Variants in CECR2 observed in about 807,000 individuals in gnomAD.
The protein encoded by CECR2 is chromatin remodeling regulator CECR2.
CECR2 carries 30 observed loss-of-function variants against 154.5 expected under a neutral mutation model. The ratio of observed to expected loss-of-function variants is 0.19; its 90% CI spans 0.15 to 0.26. The LOEUF is 0.26. CECR2 is among the 10% of genes least tolerant of loss of function. The probability of loss-of-function intolerance (pLI) is 1.00; values close to 1 mark genes in which losing one functional copy is unlikely to be tolerated. For synonymous variants in CECR2, 725 were observed against 683.7 expected, an observed-to-expected ratio of 1.06 and a Z score of -0.94; for missense variants, 1,743 against 1,829.3, an observed-to-expected ratio of 0.95 and a Z score of 0.86.
At chr22:17,468,783 T>G (rs1294317341) in intron 1 of CECR2, among the ~76,000 whole-genome samples, 2 of 152,182 alleles carry the variant, frequency 1.3e-5, no homozygotes, top group Non-Finnish European at 2.9e-5. Context: ...CCATACTGTT[T>G]TGCCGTAACA....
At chr22:17,521,418 T>TA (rs2056155100) in intron 8 of CECR2, among the ~76,000 whole-genome samples, 1 of 151,852 alleles carries the variant, frequency 6.6e-6, no homozygotes, top group Admixed American at 6.6e-5. Flanking sequence ...CGGGCGCCTG[T>TA]AGTCCCAGCT....
At chr22:17,497,789 C>T (rs2055658210) in intron 3 of CECR2, among the ~76,000 whole-genome samples, 1 of 152,202 alleles carries the variant, frequency 6.6e-6, no homozygotes, top group East Asian at 1.9e-4. Flanking sequence ...TATGGAAGTA[C>T]GTTATTTTGG....
chr22:17,530,228 CTGT>C (rs1000893639), intron 9 of CECR2, among the ~76,000 whole-genome samples: 24 of 150,276 alleles, frequency 1.6e-4, no homozygotes, highest in African/African-American at 1.7e-4. Flanking sequence ...GTTGTTGCTG[CTGT>C]TGTTGTTGTT....
intron 1 of CECR2, among the ~76,000 whole-genome samples, chr22:17,466,093 C>T (rs1379180706): frequency 2.0e-5 from 3 of 151,842 alleles, no homozygotes; most frequent in South Asian, 2.1e-4. Flanking sequence ...ATGATCTCGT[C>T]GGCTCACTGC....
At chr22:17,526,895 G>A (rs1479308007) in intron 9 of CECR2, among the ~76,000 whole-genome samples, 3 of 151,416 alleles carry the variant, frequency 2.0e-5, no homozygotes, top group Non-Finnish European at 4.4e-5. Flanking sequence ...AACCCTCTAG[G>A]ACATTGATTT....
intron 1 of CECR2, chr22:17,419,825 G>A (rs1393293369): frequency 3.5e-6 from 1 of 284,884 alleles, no homozygotes; most frequent in Admixed American, 4.0e-5. Flanking sequence ...TAGCTCAGAG[G>A]ATTAGAGGAT....
At chr22:17,507,541 T>C (rs184929240) in intron 7 of CECR2, among the ~76,000 whole-genome samples, 27 of 152,322 alleles carry the variant, frequency 1.8e-4, no homozygotes, top group Admixed American at 1.7e-3. Context: ...AAGCCTTCTT[T>C]TATCATTTCT....
chr22:17,434,528 A>G (rs970187260), intron 1 of CECR2, among the ~76,000 whole-genome samples: 5 of 152,232 alleles, frequency 3.3e-5, no homozygotes, highest in African/African-American at 9.6e-5. Context: ...TTAGTAGTCT[A>G]ACTTTTCTTT....
intron 9 of CECR2, among the ~76,000 whole-genome samples, chr22:17,529,044 G>A (rs922616641): frequency 3.3e-5 from 5 of 152,032 alleles, no homozygotes; most frequent in African/African-American, 9.7e-5. Flanking sequence ...TGCAGTGAGC[G>A]CTGATTTCCC....
chr22:17,389,597 C>T lies in CECR2; in HGVS notation c.126+19688C>T, dbSNP rs4819449. Among the ~76,000 whole-genome samples, 1,233 of 152,120 alleles carry T rather than the reference C, an allele frequency of 8.1e-3. 52 individuals are homozygous for T. In the East Asian group the frequency reaches 0.13, roughly 16 times the overall value. ...AGTAGCTAGGACTACAAGCATGAGC[C>T]GCCACGCCCAGCTCGGGGATATTCT... On this transcript the variant is annotated intron_variant, in intron 1 of 18. Coordinates refer to ENST00000262608, the MANE Select transcript of CECR2 (RefSeq NM_001290047.2).
chr22:17,514,337 G>GGGGA (rs2056013032), intron 8 of CECR2, among the ~76,000 whole-genome samples: 1 of 152,182 alleles, frequency 6.6e-6, no homozygotes. Context: ...CCCTCAGAGA[G>GGGGA]GGGAGCGTGT....
intron 1 of CECR2, among the ~76,000 whole-genome samples, chr22:17,377,963 G>T (rs2063136088): frequency 6.6e-6 from 1 of 152,098 alleles, no homozygotes; most frequent in African/African-American, 2.4e-5. Context: ...GTTATATGAG[G>T]AATGTTATAT....
chr22:17,546,535 G>A (rs1332291435), intron 16 of CECR2, among the ~76,000 whole-genome samples: 2 of 150,388 alleles, frequency 1.3e-5, no homozygotes, highest in Non-Finnish European at 3.0e-5. Flanking sequence ...TAGTTGCTAA[G>A]TTTAATGTTG....
intron 1 of CECR2, among the ~76,000 whole-genome samples, chr22:17,445,723 G>T (rs1371902167): frequency 6.6e-6 from 1 of 151,830 alleles, no homozygotes; most frequent in Non-Finnish European, 1.5e-5. Context: ...CTCCTGAGTA[G>T]CTAGGATTAC....
chr22:17,366,220 C>G (rs1206326101), upstream of CECR2, among the ~76,000 whole-genome samples: 13 of 152,084 alleles, frequency 8.5e-5, no homozygotes, highest in Admixed American at 8.5e-4. Context: ...GATTGAGTCT[C>G]ACTCTGTCGC....
chr22:17,472,521 A>G (rs1272010285), intron 1 of CECR2, among the ~76,000 whole-genome samples: 2 of 152,166 alleles, frequency 1.3e-5, no homozygotes, highest in Non-Finnish European at 2.9e-5. Context: ...CCCCGTGCAA[A>G]TTAGGAAGAT....
chr22:17,529,828 A>G (rs2056326446), intron 9 of CECR2, among the ~76,000 whole-genome samples: 1 of 151,604 alleles, frequency 6.6e-6, no homozygotes, highest in African/African-American at 2.4e-5. Context: ...TTCTTATGGA[A>G]GGAATTTTTG....
upstream of CECR2, among the ~76,000 whole-genome samples, chr22:17,367,996 C>T (rs2063011676): frequency 6.6e-6 from 1 of 152,092 alleles, no homozygotes; most frequent in African/African-American, 2.4e-5. Context: ...AAGAGCAGAA[C>T]TTTGGGTTGT....
chr22:17,477,769 C>G (rs2055234511), intron 2 of CECR2, 87 bp downstream of exon 2: 1 of 945,232 alleles, frequency 1.1e-6, no homozygotes, highest in African/African-American at 1.6e-5. Flanking sequence ...CTGTGACAAA[C>G]CAGAACCGAT....
Sources: gnomAD v4.1 joint callset for allele counts (sites outside exome capture counted in the v4.1 genomes callset) on GRCh38, gnomAD v4.1.1 for gene constraint, MANE v1.5 for transcripts, NCBI Gene and HGNC (gene_info 2026-07-23, HGNC 2026-07-21) for gene names.